TMEM175: variants seen among roughly 807,000 people sequenced by gnomAD.
TMEM175 encodes the protein transmembrane protein 175.
Under a neutral mutation model 36.5 loss-of-function variants are expected in TMEM175, and 36 were observed. The ratio of observed to expected loss-of-function variants is 0.99; its 90% confidence interval spans 0.76 to 1.30. The LOEUF is 1.30. Among genes scored for constraint, TMEM175 ranks in the 50% most tolerant of loss-of-function variants. TMEM175 has a pLI of 0.00. For missense variants in TMEM175, 705 were observed against 692.8 expected, an observed-to-expected ratio of 1.02 and a Z score of -0.20; for synonymous variants, 339 against 313.4, an observed-to-expected ratio of 1.08 and a Z score of -0.86.
At chr4:952,766 GTGTGTGCTGTA>G (rs1197230060) in intron 7 of TMEM175, among the ~76,000 whole-genome samples, 1 of 147,606 alleles carries the variant, frequency 6.8e-6, no homozygotes, top group East Asian at 2.2e-4. Flanking sequence ...CTGTGTGTGT[GTGTGTGCTGTA>G]TGTGTGTGTG....
At chr4:937,097 A>G (rs1478407042) in intron 1 of TMEM175, among the ~76,000 whole-genome samples, 1 of 152,072 alleles carries the variant, frequency 6.6e-6, no homozygotes, top group Non-Finnish European at 1.5e-5. Context: ...TCATGATATG[A>G]TTATTACACA....
chr4:952,010 C>T, intron 6 of TMEM175: 1 of 585,690 alleles, frequency 1.7e-6, no homozygotes, highest in Non-Finnish European at 3.1e-6. Flanking sequence ...GCAGCCCCTA[C>T]AGCCTCCGAC....
At chr4:956,073 C>T in intron 10 of TMEM175, 183 bp downstream of exon 10, 1 of 825,322 alleles carries the variant, frequency 1.2e-6, no homozygotes, top group Non-Finnish European at 1.8e-6. Flanking sequence ...TCCCGGCGGC[C>T]CCTCCCTTCC....
At chr4:951,437 A>G (rs2290404) in intron 5 of TMEM175, among the ~76,000 whole-genome samples, 179 bp downstream of exon 5, 71,878 of 151,984 alleles carry the variant, frequency 0.47, 17,613 homozygotes, top group African/African-American at 0.59. Context: ...TCGCCAGCCT[A>G]TATCTCCTCC....
chr4:956,077 C>T, intron 10 of TMEM175, 187 bp downstream of exon 10: 2 of 819,008 alleles, frequency 2.4e-6, no homozygotes, highest in Non-Finnish European at 3.7e-6. Context: ...GGCGGCCCCT[C>T]CCTTCCCAGC....
chr4:956,319 C>T lies in TMEM175; in HGVS notation c.842+429C>T, dbSNP rs1214471243. 2.3e-6 allele frequency: 3 copies of T among 1,281,762 alleles called. No individual in the cohort carries two copies. In the African/African-American group the frequency reaches 4.6e-5, roughly 20 times the overall value. The allele number at this position is 1,281,762 out of a possible 1,614,324, so 79.4% of individuals were successfully genotyped here. On this transcript the variant is annotated intron_variant, in intron 10 of 10. Transcript: ENST00000264771. Reference sequence around the variant, plus strand: ...CAGTGCCCCCCATCGCTTCGCAGCCCCTCCTGCTCCCTTTGGCTGGCTGTT... The same window carrying T: ...CAGTGCCCCCCATCGCTTCGCAGCCTCTCCTGCTCCCTTTGGCTGGCTGTT...
At chr4:944,550 G>A (rs888533764) in intron 1 of TMEM175, among the ~76,000 whole-genome samples, 2 of 152,080 alleles carry the variant, frequency 1.3e-5, no homozygotes, top group South Asian at 4.1e-4. Flanking sequence ...GGAAGTTGGC[G>A]AACATTGTTC....
At chr4:956,949 T>G (rs3733343) in intron 10 of TMEM175, 3 of 161,170 alleles carry the variant, frequency 1.9e-5, no homozygotes, top group Admixed American at 1.3e-4. Flanking sequence ...TTCATTGGCA[T>G]CTGATCTCTA....
At chr4:951,854 G>C (rs751350605) in intron 6 of TMEM175, 137 bp downstream of exon 6, 1 of 987,810 alleles carries the variant, frequency 1.0e-6, no homozygotes, top group East Asian at 2.5e-5. Context: ...GTTCTGGGGA[G>C]AGCCAGCTGT....
intron 2 of TMEM175, 111 bp downstream of exon 2, chr4:948,003 C>T (rs766187040): frequency 6.8e-6 from 11 of 1,610,174 alleles, no homozygotes; most frequent in East Asian, 4.5e-5. Context: ...TCCCCCAGCT[C>T]CTCAGGCAGC....
chr4:942,067 C>T (rs201584061), intron 1 of TMEM175, among the ~76,000 whole-genome samples: 7 of 145,218 alleles, frequency 4.8e-5, no homozygotes, highest in African/African-American at 5.1e-5. Flanking sequence ...CTTTTTTTTT[C>T]TTTTTTTTTT....
chr4:939,335 C>T (rs545466109), intron 1 of TMEM175, among the ~76,000 whole-genome samples: 1 of 152,346 alleles, frequency 6.6e-6, no homozygotes, highest in Non-Finnish European at 1.5e-5. Context: ...AATCCTAGCA[C>T]TTTGGGAGGC....
At chr4:935,439 T>C (rs1726682718) in intron 1 of TMEM175, among the ~76,000 whole-genome samples, 1 of 152,256 alleles carries the variant, frequency 6.6e-6, no homozygotes, top group Admixed American at 6.5e-5. Flanking sequence ...AAGAGGATCA[T>C]TTTGTAATGA....
intron 1 of TMEM175, among the ~76,000 whole-genome samples, chr4:943,422 T>G (rs1330342282): frequency 6.6e-6 from 1 of 152,150 alleles, no homozygotes; most frequent in Non-Finnish European, 1.5e-5. Context: ...CAGCTAATTT[T>G]TGTATTTTTA....
chr4:936,746 G>A (rs1202784327), intron 1 of TMEM175, among the ~76,000 whole-genome samples: 1 of 152,008 alleles, frequency 6.6e-6, no homozygotes, highest in African/African-American at 2.4e-5. Context: ...ACAAGGTCAG[G>A]AGATCAAGAC....
intron 1 of TMEM175, among the ~76,000 whole-genome samples, chr4:942,796 C>T (rs561037571): frequency 1.3e-5 from 2 of 152,144 alleles, no homozygotes; most frequent in South Asian, 4.2e-4. Flanking sequence ...CACACCACTA[C>T]GTCCAGCTAA....
chr4:938,436 G>A (rs1224869275), intron 1 of TMEM175, among the ~76,000 whole-genome samples: 2 of 152,118 alleles, frequency 1.3e-5, no homozygotes, highest in African/African-American at 2.4e-5. Context: ...CCTGGGAAGT[G>A]GAGGTTGCAG....
In TMEM175 at chr4:951,202, T is replaced by C. The variant is rs1445727393; in HGVS notation, c.291-5T>C. The C allele has an allele frequency of 3.7e-6, 6 of 1,613,916 alleles. No homozygotes were observed. ...TATTGTCTATCTTTTTCTTAAATGGTTTAGGTTGTTCCAAGTTGTTGGGAA... is the reference window on the plus strand; with the variant it reads ...TATTGTCTATCTTTTTCTTAAATGGCTTAGGTTGTTCCAAGTTGTTGGGAA... On this transcript the variant is annotated splice_region_variant and splice_polypyrimidine_tract_variant and intron_variant, in intron 4 of 10. Transcript: ENST00000264771.
Position 953,263 on chromosome 4 carries a change from C to G in TMEM175, c.536C>G (p.Ala179Gly), listed in dbSNP as rs770130595. 6.2e-7 allele frequency: 1 copy of G among 1,614,086 alleles called. No individual in the cohort carries two copies. The highest frequency in any genetic ancestry group is 1.7e-5 in the Admixed American group (1 of 60,016). ...CAGATCCAGCGCTCTGCCCACAGGG[C>G]TCTGTACCGACGACACGTCCTGGGC... ...SPQIQRSAHR[A>G]LYRRHVLGIV... The change falls in exon 8 of 11, where the codon GCT becomes GGT. Residue 179 changes from alanine to glycine, a missense_variant. By Grantham distance (60) the Ala-to-Gly change is moderately conservative. Transcript: ENST00000264771.
Sources: gnomAD v4.1 joint callset for allele counts (sites outside exome capture counted in the v4.1 genomes callset) on GRCh38, gnomAD v4.1.1 for gene constraint, MANE v1.5 for transcripts, NCBI Gene and HGNC (gene_info 2026-07-23, HGNC 2026-07-21) for gene names.